KCNIP1: variants seen among roughly 807,000 people sequenced by gnomAD.
KCNIP1 encodes the protein A-type potassium channel modulatory protein KCNIP1.
In KCNIP1, 18 loss-of-function variants were observed where a neutral mutation model predicts 33.0. That is an observed-to-expected ratio of 0.55 (90% CI 0.38 to 0.81). The LOEUF (loss-of-function observed/expected upper bound fraction) is 0.81, where lower values mean the gene tolerates loss of function less well. KCNIP1 is among the 30% of genes least tolerant of loss of function. KCNIP1 has a pLI of 0.00. For missense variants in KCNIP1, 238 were observed against 271.6 expected (o/e 0.88, Z 0.87); for synonymous variants, 93 against 98.3 (o/e 0.95, Z 0.32).
intron 1 of KCNIP1, among the ~76,000 whole-genome samples, chr5:170,438,292 C>G (rs975249482): frequency 2.0e-5 from 3 of 152,188 alleles, no homozygotes; most frequent in African/African-American, 7.2e-5. Context: ...AGACAAGGCT[C>G]TAGTGTTCAA....
rs536872325 is a variant in KCNIP1 at position 170,378,121 on chromosome 5, C to T, written c.88+24157C>T. ...AAACAGAAATTAACCACCATCCCAC[C>T]GCTAAAATTTTGATGAGTTCTCATG... On this transcript the variant is annotated intron_variant, in intron 1 of 7. Transcript: ENST00000377360. 119 of 152,290 alleles carry T rather than the reference C, an allele frequency of 7.8e-4. 2 individuals carry two copies. Among genetic ancestry groups the T allele is most frequent in the Non-Finnish European group, 1.1e-3 (77 of 68,048 alleles). The allele number at this position is 152,290 out of a possible 1,614,324, so 9.4% of individuals were successfully genotyped here.
Position 170,406,769 on chromosome 5 carries a change from G to A in KCNIP1, c.88+52805G>A, listed in dbSNP as rs764479434. ...GCCTGGAGGGTCTTTGCACAGAGAG[G>A]AATCTGCTTCCTGCCTAGAGCTTGG... On this transcript the variant is annotated intron_variant, in intron 1 of 7. Transcript: ENST00000377360. Among the ~76,000 whole-genome samples the A allele has an allele frequency of 4.2e-4, 64 of 152,190 alleles. 2 individuals carry two copies. Among genetic ancestry groups the A allele is most frequent in the Admixed American group, 2.0e-4 (3 of 15,282 alleles).
chr5:170,535,739 T>C (rs1330925829), intron 1 of KCNIP1, among the ~76,000 whole-genome samples: 1 of 152,246 alleles, frequency 6.6e-6, no homozygotes, highest in Non-Finnish European at 1.5e-5. Flanking sequence ...TGAGAATTAA[T>C]ATCATTGTAA....
At chr5:170,699,778 C>T (rs964302374) in intron 1 of KCNIP1, among the ~76,000 whole-genome samples, 2 of 152,044 alleles carry the variant, frequency 1.3e-5, no homozygotes, top group Non-Finnish European at 2.9e-5. Flanking sequence ...CTTCCCCTTC[C>T]CATGACTTGT....
intron 1 of KCNIP1, among the ~76,000 whole-genome samples, chr5:170,462,331 C>A (rs189406803): frequency 7.4e-6 from 1 of 135,190 alleles, no homozygotes; most frequent in Admixed American, 7.3e-5. Flanking sequence ...CATGAATAGA[C>A]AATTCTCAAA....
At chr5:170,396,259 G>C (rs75374238) in intron 1 of KCNIP1, among the ~76,000 whole-genome samples, 2 of 152,216 alleles carry the variant, frequency 1.3e-5, no homozygotes, top group Non-Finnish European at 2.9e-5. Context: ...GGATCAGCAG[G>C]AGAATCTTCT....
At chr5:170,358,883 T>C (rs1025258289) in intron 1 of KCNIP1, among the ~76,000 whole-genome samples, 1 of 152,138 alleles carries the variant, frequency 6.6e-6, no homozygotes, top group Non-Finnish European at 1.5e-5. Context: ...ACAAGGTACA[T>C]TCCTCTGCAC....
intron 1 of KCNIP1, among the ~76,000 whole-genome samples, chr5:170,683,028 C>T (rs573050934): frequency 1.3e-5 from 2 of 152,208 alleles, no homozygotes; most frequent in East Asian, 1.9e-4. Context: ...CCTGCTTTAA[C>T]TTCTCATGAT....
chr5:170,379,768 G>A (rs1319586594), intron 1 of KCNIP1, among the ~76,000 whole-genome samples: 3 of 152,040 alleles, frequency 2.0e-5, no homozygotes, highest in Non-Finnish European at 4.4e-5. Context: ...AGGCAACATA[G>A]CAAGACTTTA....
At chr5:170,693,963 C>G (rs910891710) in intron 1 of KCNIP1, among the ~76,000 whole-genome samples, 1 of 152,196 alleles carries the variant, frequency 6.6e-6, no homozygotes, top group African/African-American at 2.4e-5. Context: ...CAGCCCCATT[C>G]ACTCCAGAGG....
Position 170,438,388 on chromosome 5 carries a change from A to G in KCNIP1, c.88+84424A>G, listed in dbSNP as rs75213860. Among the ~76,000 whole-genome samples the G allele has an allele frequency of 4.9e-3, 748 of 152,240 alleles. 7 individuals carry two copies. Among genetic ancestry groups the G allele is most frequent in the African/African-American group, 0.017 (698 of 41,526 alleles). Reference sequence around the variant, plus strand: ...AGCAGGGCACACTGGAGAGGTGAGGAGGGTCTCCTGTCCTAGGCTGAGGAG... The same window carrying G: ...AGCAGGGCACACTGGAGAGGTGAGGGGGGTCTCCTGTCCTAGGCTGAGGAG... On this transcript the variant is annotated intron_variant, in intron 1 of 7. Coordinates refer to the KCNIP1 transcript ENST00000377360.
chr5:170,589,782 GA>G, intron 1 of KCNIP1, among the ~76,000 whole-genome samples: 1 of 140,654 alleles, frequency 7.1e-6, no homozygotes, highest in Admixed American at 7.0e-5. Context: ...GGTGTGGTGT[GA>G]TGTGATGTGG....
intron 1 of KCNIP1, among the ~76,000 whole-genome samples, chr5:170,354,548 A>G (rs913430438): frequency 6.6e-6 from 1 of 152,164 alleles, no homozygotes; most frequent in African/African-American, 2.4e-5. Context: ...CTGTCCCTCC[A>G]CATTTCATGC....
chr5:170,715,851 T>C (rs954931771), intron 1 of KCNIP1, among the ~76,000 whole-genome samples: 1 of 152,194 alleles, frequency 6.6e-6, no homozygotes, highest in South Asian at 2.1e-4. Context: ...ACTAGCAACA[T>C]CTGGCATCAG....
At chr5:170,499,452 A>G (rs866821370), upstream of KCNIP1, among the ~76,000 whole-genome samples, 43 of 152,218 alleles carry the variant, frequency 2.8e-4, no homozygotes, top group African/African-American at 9.4e-4. Context: ...ACCACTTACT[A>G]AAGGAATTAT....
chr5:170,697,189 C>T (rs947617842), intron 1 of KCNIP1, among the ~76,000 whole-genome samples: 1 of 152,124 alleles, frequency 6.6e-6, no homozygotes, highest in Non-Finnish European at 1.5e-5. Context: ...CCCTGAATGC[C>T]TGCACTACAC....
chr5:170,405,777 C>T (rs537491956), intron 1 of KCNIP1, among the ~76,000 whole-genome samples: 11 of 152,304 alleles, frequency 7.2e-5, no homozygotes, highest in African/African-American at 2.4e-4. Context: ...GATGGTAACA[C>T]CTGCACCCTG....
chr5:170,670,821 G>A (rs1217132295), intron 1 of KCNIP1, among the ~76,000 whole-genome samples: 1 of 151,984 alleles, frequency 6.6e-6, no homozygotes, highest in Non-Finnish European at 1.5e-5. Flanking sequence ...GCTTGAGCCT[G>A]GGAGGTGGAG....
At chr5:170,486,328 A>T (rs1380218815) in intron 1 of KCNIP1, 1 of 152,192 alleles carries the variant, frequency 6.6e-6, no homozygotes, top group Non-Finnish European at 1.5e-5. Flanking sequence ...CATGTATTCC[A>T]GCTGATCTAC....
Sources: allele counts gnomAD v4.1 joint callset (sites outside exome capture counted in the v4.1 genomes callset), GRCh38; gene constraint gnomAD v4.1.1; transcripts MANE v1.5; gene names NCBI Gene and HGNC (gene_info 2026-07-23, HGNC 2026-07-21).